The following TTC17 variants were observed in gnomAD, a reference collection of about 807,000 sequenced individuals.
The protein encoded by TTC17 is tetratricopeptide repeat domain 17, also known as tetratricopeptide repeat protein 17.
TTC17 carries 58 observed loss-of-function variants against 143.8 expected under a neutral mutation model. The ratio of observed to expected loss-of-function variants is 0.40; its 90% CI spans 0.33 to 0.50. The LOEUF (loss-of-function observed/expected upper bound fraction) is 0.50. Ranked by LOEUF, TTC17 falls within the 20% of genes least tolerant of loss-of-function variation. The pLI is 0.49. For synonymous variants in TTC17, 501 were observed against 497.8 expected (o/e 1.01, Z -0.09); for missense variants, 1,273 against 1,392.5 (o/e 0.91, Z 1.37).
intron 16 of TTC17, chr11:43,435,538 G>A (rs886994498): frequency 3.9e-5 from 6 of 152,140 alleles, no homozygotes; most frequent in Admixed American, 6.5e-5. Flanking sequence ...GGTAAAAGTC[G>A]CCATAGAGGT....
intron 21 of TTC17, among the ~76,000 whole-genome samples, chr11:43,465,833 TCTTG>T (rs1294562406): frequency 6.6e-6 from 1 of 151,516 alleles, no homozygotes; most frequent in African/African-American, 2.5e-5. Context: ...ACTGTACAAC[TCTTG>T]GAAGAAAACA....
rs145232274 is a variant in TTC17, at chr11:43,478,405, T to C, written c.3031-11834T>C. ...ATCATTTTCACTTCTTTAGGCATAA[T>C]GTACATAAGCTTATGTTCTAAACAT... On this transcript the variant is annotated intron_variant, in intron 21 of 23. Coordinates refer to ENST00000039989, the MANE Select transcript of TTC17 (RefSeq NM_018259.6). 6.0e-4 allele frequency among the ~76,000 whole-genome samples: 91 copies of C among 152,304 alleles called. 2 individuals carry two copies. The East Asian group carries it at 0.016, about 27-fold the overall frequency.
chr11:43,378,375 G>A (rs930984446), intron 1 of TTC17, among the ~76,000 whole-genome samples: 3 of 152,156 alleles, frequency 2.0e-5, no homozygotes, highest in African/African-American at 7.2e-5. Context: ...GCTTCCTTAT[G>A]TAAAGCTCTT....
intron 15 of TTC17, among the ~76,000 whole-genome samples, chr11:43,408,369 C>T (rs1858242584): frequency 6.6e-6 from 1 of 152,030 alleles, no homozygotes; most frequent in Non-Finnish European, 1.5e-5. Context: ...TACAGAAATT[C>T]ACAACTGGAT....
chr11:43,457,847 AT>A (rs1947792739), intron 21 of TTC17, among the ~76,000 whole-genome samples: 1 of 152,054 alleles, frequency 6.6e-6, no homozygotes, highest in African/African-American at 2.4e-5. Context: ...CATACATATA[AT>A]TAGGGTCTGG....
At chr11:43,370,206 G>A in intron 1 of TTC17, 2 of 392,622 alleles carry the variant, frequency 5.1e-6, no homozygotes, top group Non-Finnish European at 1.0e-5. Flanking sequence ...ATCCTGAAGA[G>A]ATAATTCCAT....
chr11:43,434,998 T>A (rs1315118671), intron 16 of TTC17: 2 of 152,118 alleles, frequency 1.3e-5, no homozygotes, highest in Non-Finnish European at 2.9e-5. Flanking sequence ...AAGAGAGCCA[T>A]CAGTCAAGAA....
chr11:43,363,112 A>G (rs1590297712), intron 1 of TTC17, among the ~76,000 whole-genome samples: 1 of 152,162 alleles, frequency 6.6e-6, no homozygotes, highest in African/African-American at 2.4e-5. Flanking sequence ...GAAGTGAGCT[A>G]TTATAATCTA....
intron 7 of TTC17, 145 bp downstream of exon 7, chr11:43,397,636 C>A: frequency 1.0e-6 from 1 of 964,710 alleles, no homozygotes; most frequent in African/African-American, 1.6e-5. Context: ...AAGAAAAATC[C>A]TCAACACAGT....
chr11:43,470,044 C>T (rs967227858), intron 21 of TTC17, among the ~76,000 whole-genome samples: 4 of 151,824 alleles, frequency 2.6e-5, no homozygotes, highest in Admixed American at 6.6e-5. Flanking sequence ...AAAATATGGA[C>T]GGTAACATCT....
Position 43,446,568 on chromosome 11 carries a change from TTTAAG to T in TTC17, c.2666-1430_2666-1426del, listed in dbSNP as rs370626836. ...GATTTTTTGTGAAAATTATGGCTTA[TTTAAG>T]TTATTAATTTAAACAGAGTTAATTT... is the stretch of plus-strand genomic sequence containing the variant. On this transcript the variant is annotated intron_variant, in intron 18 of 23. Coordinates refer to ENST00000039989, the MANE Select transcript of TTC17 (RefSeq NM_018259.6). The T allele has an allele frequency of 2.5e-4, 180 of 728,724 alleles. 6 individuals carry two copies. In the South Asian group the frequency reaches 4.9e-3, roughly 20 times the overall value. 45.1% of individuals were successfully genotyped at this position (728,724 alleles called of 1,614,324 possible). A position where few individuals can be genotyped will look rare whatever the true frequency, so the allele number is the denominator to read the frequency against.
At chr11:43,473,179 A>C (rs1476994471) in intron 21 of TTC17, among the ~76,000 whole-genome samples, 1 of 152,086 alleles carries the variant, frequency 6.6e-6, no homozygotes, top group African/African-American at 2.4e-5. Context: ...CATCTAAAAA[A>C]AAAAAAAGAA....
intron 21 of TTC17, among the ~76,000 whole-genome samples, chr11:43,479,470 T>TA (rs1948246376): frequency 6.6e-6 from 1 of 152,204 alleles, no homozygotes; most frequent in East Asian, 1.9e-4. Context: ...GCAAGCTTTG[T>TA]AAAAAATTTA....
chr11:43,462,105 AC>A (rs980415311), intron 21 of TTC17, among the ~76,000 whole-genome samples: 4 of 150,976 alleles, frequency 2.6e-5, no homozygotes, highest in African/African-American at 7.3e-5. Flanking sequence ...AAAAAAAAAA[AC>A]GGCTATATAA....
At chr11:43,388,110 A>T (rs962928362) in intron 2 of TTC17, among the ~76,000 whole-genome samples, 1 of 152,230 alleles carries the variant, frequency 6.6e-6, no homozygotes, top group African/African-American at 2.4e-5. Context: ...TCACATGTAT[A>T]CAAGGAGACA....
intron 1 of TTC17, among the ~76,000 whole-genome samples, chr11:43,371,533 C>T (rs912418635): frequency 6.6e-6 from 1 of 152,086 alleles, no homozygotes; most frequent in African/African-American, 2.4e-5. Context: ...ATGCCCTCTC[C>T]AGGAACTTCC....
At chr11:43,390,652 A>T (rs1160063012) in intron 3 of TTC17, among the ~76,000 whole-genome samples, 1 of 148,812 alleles carries the variant, frequency 6.7e-6, no homozygotes, top group Non-Finnish European at 1.5e-5. Context: ...TAAAAATAAA[A>T]AAATAAAAAT....
At chr11:43,428,831 C>CT (rs1400982252) in intron 16 of TTC17, among the ~76,000 whole-genome samples, 1 of 152,174 alleles carries the variant, frequency 6.6e-6, no homozygotes, top group African/African-American at 2.4e-5. Flanking sequence ...TTCTTTCCTT[C>CT]TTTTTTCCTG....
intron 2 of TTC17, among the ~76,000 whole-genome samples, chr11:43,387,871 A>G (rs1857226783): frequency 6.6e-6 from 1 of 152,224 alleles, no homozygotes. Context: ...AACATAGTCT[A>G]CTACCATAAT....
Sources: allele counts gnomAD v4.1 joint callset (sites outside exome capture counted in the v4.1 genomes callset), GRCh38; gene constraint gnomAD v4.1.1; transcripts MANE v1.5; gene names NCBI Gene and HGNC (gene_info 2026-07-23, HGNC 2026-07-21).